CASK: variants seen among roughly 807,000 people sequenced by gnomAD.
CASK encodes calcium/calmodulin dependent serine protein kinase, also known as peripheral plasma membrane protein CASK.
CASK carries 4 observed loss-of-function variants against 82.9 expected under a neutral mutation model. The ratio of observed to expected loss-of-function variants is 0.05; its 90% CI spans 0.02 to 0.11. The LOEUF (loss-of-function observed/expected upper bound fraction) is 0.11, where lower values mean the gene tolerates loss of function less well. CASK is among the 10% of genes least tolerant of loss of function. The pLI is 1.00. For synonymous variants in CASK, 259 were observed against 253.5 expected (o/e 1.02, Z -0.20); for missense variants, 358 against 720.9 (o/e 0.50, Z 5.76).
chrX:41,866,032 T>C (rs1164772564), intron 1 of CASK, among the ~76,000 whole-genome samples: 1 of 112,203 alleles, frequency 8.9e-6, no homozygotes, highest in Admixed American at 9.4e-5. Context: ...CTGGGGCCAG[T>C]TGGGAGCAGA....
At chrX:41,730,341 C>T (rs770466203) in intron 5 of CASK, among the ~76,000 whole-genome samples, 2 of 110,748 alleles carry the variant, frequency 1.8e-5, no homozygotes, top group East Asian at 2.8e-4. Flanking sequence ...GAGGTTATTC[C>T]GGGGGCAAAA....
intron 12 of CASK, among the ~76,000 whole-genome samples, chrX:41,592,585 T>C (rs112138681): frequency 0.021 from 2,316 of 111,111 alleles, 53 homozygotes; most frequent in African/African-American, 0.072. Context: ...TTATGGAACA[T>C]AGATTCCTGG....
In CASK at chrX:41,637,721, A is replaced by G. The variant is rs187591172; in HGVS notation, c.832-1060T>C. Among the ~76,000 whole-genome samples, 519 of 110,171 alleles carry G rather than the reference A, an allele frequency of 4.7e-3. 4 individuals carry two copies. Among genetic ancestry groups the G allele is most frequent in the Non-Finnish European group, 7.8e-3 (409 of 52,534 alleles). On this transcript the variant is annotated intron_variant, in intron 8 of 26. Transcript: ENST00000378163. ...TGCAGTGGTGAGATCCTGGCTCACC[A>G]CAGCCTCGACCTCCCTGGCTCAGGC...
intron 21 of CASK, among the ~76,000 whole-genome samples, chrX:41,544,516 A>C (rs1381110169): frequency 1.0e-5 from 1 of 100,149 alleles, no homozygotes; most frequent in African/African-American, 3.6e-5. Flanking sequence ...CAGTGATTTG[A>C]GATTATGCCA....
At chrX:41,619,641 G>A (rs368860543) in intron 11 of CASK, among the ~76,000 whole-genome samples, 2 of 111,635 alleles carry the variant, frequency 1.8e-5, no homozygotes, top group Admixed American at 1.9e-4. Flanking sequence ...ATCTCATTAC[G>A]AGAGTGGAAG....
At chrX:41,877,935 A>T (rs1601933072) in intron 1 of CASK, among the ~76,000 whole-genome samples, 1 of 105,102 alleles carries the variant, frequency 9.5e-6, no homozygotes, top group East Asian at 2.9e-4. Flanking sequence ...GAAAATGGCA[A>T]ATTTTATGTT....
At chrX:41,810,328 C>G (rs958139035) in intron 2 of CASK, among the ~76,000 whole-genome samples, 2 of 112,193 alleles carry the variant, frequency 1.8e-5, no homozygotes, top group African/African-American at 6.5e-5. Context: ...TAAGGGCAGC[C>G]AGAGAGAAAG....
intron 2 of CASK, among the ~76,000 whole-genome samples, chrX:41,815,465 T>A (rs1423864851): frequency 9.0e-6 from 1 of 111,524 alleles, no homozygotes; most frequent in Non-Finnish European, 1.9e-5. Flanking sequence ...AAAGAAAGCA[T>A]GGACATAATG....
At chrX:41,613,701 C>T (rs1377007519) in intron 11 of CASK, among the ~76,000 whole-genome samples, 2 of 105,348 alleles carry the variant, frequency 1.9e-5, no homozygotes, top group Non-Finnish European at 3.9e-5. Context: ...TTCCCAGTTA[C>T]GATAAAAAAC....
chrX:41,788,158 CAAAAAAAAAAA>C (rs372992298), intron 2 of CASK, among the ~76,000 whole-genome samples: 1 of 42,017 alleles, frequency 2.4e-5, no homozygotes, highest in Admixed American at 3.2e-4. Flanking sequence ...AACTCTGTCT[CAAAAAAAAAAA>C]AAAAAAAAAA....
chrX:41,526,952 G>A (rs1302966046), intron 25 of CASK, among the ~76,000 whole-genome samples: 4 of 111,045 alleles, frequency 3.6e-5, no homozygotes, highest in Non-Finnish European at 7.5e-5. Flanking sequence ...CACTACTTAC[G>A]GGTCTCAAGT....
chrX:41,785,298 C>T (rs757465454), intron 3 of CASK, among the ~76,000 whole-genome samples: 4 of 112,029 alleles, frequency 3.6e-5, no homozygotes, highest in Admixed American at 9.5e-5. Flanking sequence ...TGAGCCACCA[C>T]GCCTGGCCTC....
chrX:41,521,018 C>T (rs978890413), intron 26 of CASK, among the ~76,000 whole-genome samples: 16 of 112,256 alleles, frequency 1.4e-4, no homozygotes, highest in South Asian at 7.4e-4. Flanking sequence ...GAGAGGGCTA[C>T]GGTGGCAAGG....
At chrX:41,540,454 C>T (rs1015761616) in intron 22 of CASK, among the ~76,000 whole-genome samples, 4 of 112,584 alleles carry the variant, frequency 3.6e-5, no homozygotes, top group Non-Finnish European at 3.8e-5. Context: ...ATTGAATGAT[C>T]GCCATTTGTC....
chrX:41,632,440 C>T (rs186668647), intron 9 of CASK, among the ~76,000 whole-genome samples: 1 of 111,964 alleles, frequency 8.9e-6, no homozygotes, highest in Admixed American at 9.5e-5. Context: ...CAATACCATA[C>T]AATAGAACTA....
intron 8 of CASK, among the ~76,000 whole-genome samples, chrX:41,651,725 AT>A (rs921178632): frequency 2.7e-5 from 3 of 111,599 alleles, no homozygotes; most frequent in African/African-American, 9.8e-5. Context: ...AAAATATTTT[AT>A]TGTTTTGCAT....
intron 1 of CASK, among the ~76,000 whole-genome samples, chrX:41,853,708 C>G (rs771812734): frequency 9.0e-6 from 1 of 111,671 alleles, no homozygotes; most frequent in Admixed American, 9.5e-5. Context: ...ATCTCTTGAA[C>G]CTGTCCTCTT....
chrX:41,783,540 C>T (rs1471069617), intron 3 of CASK, among the ~76,000 whole-genome samples: 2 of 102,957 alleles, frequency 1.9e-5, no homozygotes, highest in Middle Eastern at 5.0e-3. Flanking sequence ...CAGAGCAAGA[C>T]TCTGTCTCAA....
At chrX:41,681,045 T>C (rs2067345998) in intron 5 of CASK, among the ~76,000 whole-genome samples, 1 of 112,548 alleles carries the variant, frequency 8.9e-6, no homozygotes, top group African/African-American at 3.2e-5. Flanking sequence ...TTGAACTGTG[T>C]GGGTCCACTT....
Sources: allele counts gnomAD v4.1 joint callset (sites outside exome capture counted in the v4.1 genomes callset), GRCh38; gene constraint gnomAD v4.1.1; transcripts MANE v1.5; gene names NCBI Gene and HGNC (gene_info 2026-07-23, HGNC 2026-07-21).